The following IL1RAPL1 variants were observed in gnomAD, a reference collection of about 807,000 sequenced individuals.
IL1RAPL1 encodes the protein interleukin 1 receptor accessory protein like 1.
A neutral mutation model predicts 48.4 loss-of-function variants in IL1RAPL1; 3 were observed. That is an observed-to-expected ratio of 0.06 (90% CI 0.03 to 0.16). IL1RAPL1 has a LOEUF of 0.16. Among genes scored for constraint, IL1RAPL1 ranks in the 10% least tolerant of loss-of-function variants. The pLI is 1.00. For missense variants in IL1RAPL1, 349 were observed against 530.6 expected, an observed-to-expected ratio of 0.66 and a Z score of 3.36; for synonymous variants, 185 against 187.7, an observed-to-expected ratio of 0.99 and a Z score of 0.12.
At chrX:29,053,310 G>C (rs1463431798) in intron 2 of IL1RAPL1, among the ~76,000 whole-genome samples, 1 of 111,715 alleles carries the variant, frequency 9.0e-6, no homozygotes, top group African/African-American at 3.3e-5. Context: ...CCACATCTTT[G>C]CTATTGTAAA....
intron 1 of IL1RAPL1, among the ~76,000 whole-genome samples, chrX:28,771,850 G>A (rs1172852737): frequency 9.9e-6 from 1 of 101,214 alleles, no homozygotes; most frequent in Non-Finnish European, 2.0e-5. Context: ...AGAATGGCGT[G>A]AACCCGGGAA....
chrX:29,892,360 T>A (rs1160184906), intron 6 of IL1RAPL1, among the ~76,000 whole-genome samples: 1 of 112,208 alleles, frequency 8.9e-6, no homozygotes, highest in Non-Finnish European at 1.9e-5. Context: ...ATTTAATCTC[T>A]GAAAATTTTC....
intron 1 of IL1RAPL1, among the ~76,000 whole-genome samples, chrX:28,608,368 G>C (rs1934109236): frequency 8.9e-6 from 1 of 111,954 alleles, no homozygotes. Flanking sequence ...TGTATGGCCA[G>C]ACCACGGGAA....
At chrX:28,589,894 C>A (rs1463374310) in intron 1 of IL1RAPL1, among the ~76,000 whole-genome samples, 1 of 111,496 alleles carries the variant, frequency 9.0e-6, no homozygotes. Flanking sequence ...TGTTAAATTA[C>A]AAATTAAATG....
intron 6 of IL1RAPL1, among the ~76,000 whole-genome samples, chrX:29,744,260 A>C (rs775975803): frequency 1.1e-4 from 12 of 111,848 alleles, no homozygotes; most frequent in African/African-American, 3.6e-4. Context: ...CCCTTGTGAC[A>C]ATGTTGTTAA....
At chrX:29,125,462 C>T (rs1007675150) in intron 2 of IL1RAPL1, among the ~76,000 whole-genome samples, 1 of 111,976 alleles carries the variant, frequency 8.9e-6, no homozygotes, top group Non-Finnish European at 1.9e-5. Flanking sequence ...TTGTGTTCAT[C>T]ATTATTATAT....
At chrX:29,335,049 G>A (rs1195323000) in intron 3 of IL1RAPL1, among the ~76,000 whole-genome samples, 17 of 112,160 alleles carry the variant, frequency 1.5e-4, no homozygotes, top group African/African-American at 2.6e-4. Context: ...CGAGGCTGGC[G>A]GATCACTCGC....
At position 29,111,925 on chromosome X, in the gene IL1RAPL1, C is replaced by CTTTTTTT. The variant is rs34885583; in HGVS notation, c.83-170997_83-170991dup. Among the ~76,000 whole-genome samples the CTTTTTTT allele has an allele frequency of 5.6e-3, 334 of 59,714 alleles. 7 individuals carry two copies. The highest frequency in any genetic ancestry group is 0.015 in the Middle Eastern group (1 of 68). 51.9% of individuals were successfully genotyped at this position (59,714 alleles called of 115,157 possible). On this transcript the variant is annotated intron_variant, in intron 2 of 10. Coordinates refer to ENST00000378993, the MANE Select transcript of IL1RAPL1 (RefSeq NM_014271.4). ...GTTTGTAGGTTGTATTTTCACTTTT[C>CTTTTTTT]TTTTTTTTTTTTTTTTTTTTTTGAG...
At chrX:28,871,181 C>T (rs1220619502) in intron 2 of IL1RAPL1, among the ~76,000 whole-genome samples, 1 of 111,688 alleles carries the variant, frequency 9.0e-6, no homozygotes, top group Non-Finnish European at 1.9e-5. Context: ...TGATTCTCTT[C>T]AGAGTGAATA....
chrX:29,008,281 T>C (rs1420208190), intron 2 of IL1RAPL1, among the ~76,000 whole-genome samples: 1 of 110,217 alleles, frequency 9.1e-6, no homozygotes, highest in Non-Finnish European at 1.9e-5. Flanking sequence ...ACCATTCTCC[T>C]GCCTCAGCCT....
chrX:28,908,654 T>G (rs1923281682), intron 2 of IL1RAPL1, among the ~76,000 whole-genome samples: 1 of 111,594 alleles, frequency 9.0e-6, no homozygotes, highest in Non-Finnish European at 1.9e-5. Flanking sequence ...GAGAAGAATG[T>G]GTATTCTGCT....
chrX:29,540,236 C>G (rs1262280884), intron 5 of IL1RAPL1, among the ~76,000 whole-genome samples: 1 of 107,082 alleles, frequency 9.3e-6, no homozygotes, highest in Non-Finnish European at 1.9e-5. Flanking sequence ...TGAAAGATCT[C>G]TACAAGGAGA....
chrX:29,238,756 A>T (rs1931355251), intron 2 of IL1RAPL1, among the ~76,000 whole-genome samples: 2 of 112,335 alleles, frequency 1.8e-5, no homozygotes, highest in Non-Finnish European at 3.8e-5. Context: ...ATTGTTTATC[A>T]CAAACCTAAA....
intron 6 of IL1RAPL1, among the ~76,000 whole-genome samples, chrX:29,713,960 T>G (rs1033187131): frequency 8.9e-5 from 10 of 112,110 alleles, no homozygotes; most frequent in African/African-American, 3.2e-4. Flanking sequence ...CTGTTTATTT[T>G]CTTACACAGA....
At chrX:29,783,484 A>G (rs375810698) in intron 6 of IL1RAPL1, among the ~76,000 whole-genome samples, 1 of 111,772 alleles carries the variant, frequency 8.9e-6, no homozygotes, top group Non-Finnish European at 1.9e-5. Flanking sequence ...GATATTACTG[A>G]TGAAGAAACT....
intron 2 of IL1RAPL1, among the ~76,000 whole-genome samples, chrX:28,866,079 AT>A (rs1217802369): frequency 1.8e-5 from 2 of 112,133 alleles, no homozygotes; most frequent in African/African-American, 6.5e-5. Flanking sequence ...TAGGAAGGTT[AT>A]TTTTTAAATG....
chrX:29,732,021 G>T (rs1044860254), intron 6 of IL1RAPL1, among the ~76,000 whole-genome samples: 4 of 111,933 alleles, frequency 3.6e-5, no homozygotes, highest in African/African-American at 1.3e-4. Flanking sequence ...ATATAGTATT[G>T]ACTTCTGAGG....
chrX:28,692,821 T>C (rs1042510558), intron 1 of IL1RAPL1, among the ~76,000 whole-genome samples: 1 of 111,557 alleles, frequency 9.0e-6, no homozygotes, highest in Non-Finnish European at 1.9e-5. Flanking sequence ...ATACACACAC[T>C]GCGCCTGTTT....
At chrX:29,802,006 G>C (rs778920486) in intron 6 of IL1RAPL1, among the ~76,000 whole-genome samples, 78 of 112,152 alleles carry the variant, frequency 7.0e-4, no homozygotes, top group African/African-American at 2.4e-3. Flanking sequence ...ATACATCGTA[G>C]TTTTAAACAC....
Sources: allele counts gnomAD v4.1 joint callset (sites outside exome capture counted in the v4.1 genomes callset), GRCh38; gene constraint gnomAD v4.1.1; transcripts MANE v1.5; gene names NCBI Gene and HGNC (gene_info 2026-07-23, HGNC 2026-07-21).